Variants in ZAP70 observed in about 807,000 individuals in gnomAD.
The protein encoded by ZAP70 is zeta chain of T cell receptor associated protein kinase 70, also known as tyrosine-protein kinase ZAP-70.
ZAP70 carries 27 observed loss-of-function variants against 65.8 expected under a neutral mutation model. The observed-to-expected ratio is 0.41, with a 90% CI of 0.30 to 0.57. The LOEUF is 0.57. Ranked by LOEUF, ZAP70 falls within the 20% of genes least tolerant of loss-of-function variation. The probability of loss-of-function intolerance (pLI) is 0.28; values close to 1 mark genes in which losing one functional copy is unlikely to be tolerated. For synonymous variants in ZAP70, 363 were observed against 360.8 expected (o/e 1.01, Z -0.07); for missense variants, 696 against 870.5 (o/e 0.80, Z 2.52).
chr2:97,733,682 G>A lies in ZAP70; in HGVS notation c.889+87G>A, dbSNP rs1677717869. ...GTCAGGGCTGTGGGGTTTCACGGGG[G>A]GCGCTGTGGGCCGGGCCAGGCTGTG... On this transcript the variant is annotated intron_variant, in intron 8 of 13. Transcript: ENST00000264972. The A allele has an allele frequency of 1.9e-6, 3 of 1,550,782 alleles. No homozygotes were observed. In the South Asian group the frequency reaches 3.3e-5, roughly 17 times the overall value.
chr2:97,732,816 G>T, intron 4 of ZAP70, 67 bp from the exon 5 acceptor site: 2 of 1,604,504 alleles, frequency 1.2e-6, no homozygotes, highest in South Asian at 1.1e-5. Flanking sequence ...TGTTGCGGGG[G>T]AACCGGGGCA....
At chr2:97,734,783 G>T in intron 9 of ZAP70, 71 bp downstream of exon 9, 1 of 1,584,630 alleles carries the variant, frequency 6.3e-7, no homozygotes, top group South Asian at 1.1e-5. Context: ...CCGGGCTGTG[G>T]GACGGGAGCC....
In ZAP70 at chr2:97,739,856, T is replaced by C; in HGVS notation, c.*358T>C. 3.4e-6 allele frequency: 1 copy of C among 297,566 alleles called. No individual in the cohort carries two copies. Among genetic ancestry groups the C allele is most frequent in the Non-Finnish European group, 6.4e-6 (1 of 155,494 alleles). 18.4% of individuals were successfully genotyped at this position (297,566 alleles called of 1,614,324 possible). A position where few individuals can be genotyped will look rare whatever the true frequency, so the allele number is the denominator to read the frequency against. ...ATCACCAGAATAAACCCAGCTTCCC[T>C]CTTGTCTGAGCGCCCTCATCTTTTC... On this transcript the variant is annotated 3_prime_UTR_variant, in exon 14 of 14. Transcript: ENST00000264972.
chr2:97,745,857 T>C, the ZAP70 span, among the ~76,000 whole-genome samples: 1 of 152,210 alleles, frequency 6.6e-6, no homozygotes, highest in African/African-American at 2.4e-5. Context: ...AGTAAACCAA[T>C]GTTCACTGCA....
rs1483191291 is a variant in ZAP70, at chr2:97,724,388, C to T, written c.352C>T (p.Leu118=). ...LEPQPGVFDC[L]RDAMVRDYVR... ...GCCGCAGCCGGGGGTCTTCGACTGCCTGCGAGACGCCATGGTGCGTGACTA... is the reference window on the plus strand; with the variant it reads ...GCCGCAGCCGGGGGTCTTCGACTGCTTGCGAGACGCCATGGTGCGTGACTA... Residue 118 remains leucine (L), a synonymous_variant, in exon 3 of 14, where the codon CTG becomes TTG. Coordinates refer to ENST00000264972, the MANE Select transcript of ZAP70 (RefSeq NM_001079.4). 1.3e-6 allele frequency: 2 copies of T among 1,538,008 alleles called. No individual in the cohort carries two copies. Among genetic ancestry groups the T allele is most frequent in the Non-Finnish European group, 1.8e-6 (2 of 1,142,242 alleles).
At chr2:97,716,813 C>T (rs1339379989) in intron 2 of ZAP70, among the ~76,000 whole-genome samples, 2 of 152,114 alleles carry the variant, frequency 1.3e-5, no homozygotes, top group East Asian at 1.9e-4. Flanking sequence ...GGGCTTCAAG[C>T]AGAGAAGAGG....
At chr2:97,721,697 G>A (rs1166300082) in intron 2 of ZAP70, among the ~76,000 whole-genome samples, 2 of 148,658 alleles carry the variant, frequency 1.3e-5, no homozygotes, top group African/African-American at 4.9e-5. Context: ...CTCCCATAAT[G>A]CTGGATTAGA....
chr2:97,749,144 A>G, the ZAP70 span, among the ~76,000 whole-genome samples: 1 of 151,226 alleles, frequency 6.6e-6, no homozygotes, highest in East Asian at 2.0e-4. Context: ...CGAGTAGCTG[A>G]GACTACAGGC....
chr2:97,717,540 C>T (rs764878455), intron 2 of ZAP70, among the ~76,000 whole-genome samples: 3 of 151,970 alleles, frequency 2.0e-5, no homozygotes, highest in Admixed American at 6.6e-5. Flanking sequence ...TGCTCCTGCC[C>T]GCTCCCACCA....
chr2:97,716,178 A>T (rs1243214622), intron 2 of ZAP70, among the ~76,000 whole-genome samples: 1 of 152,168 alleles, frequency 6.6e-6, no homozygotes, highest in African/African-American at 2.4e-5. Flanking sequence ...GCCTGTGGCC[A>T]GGATCCTCAG....
chr2:97,724,470 A>G, intron 3 of ZAP70, 32 bp downstream of exon 3: 1 of 1,517,316 alleles, frequency 6.6e-7, no homozygotes, highest in Non-Finnish European at 8.8e-7. Context: ...CGGGGTCTGG[A>G]GGGGCGTGGC....
the ZAP70 span, among the ~76,000 whole-genome samples, chr2:97,745,351 A>G: frequency 6.6e-6 from 1 of 152,234 alleles, no homozygotes; most frequent in Non-Finnish European, 1.5e-5. Context: ...AAAACCTTTT[A>G]ATTTTTAAAT....
At chr2:97,733,055 C>A in intron 5 of ZAP70, 34 bp downstream of exon 5, 4 of 1,614,014 alleles carry the variant, frequency 2.5e-6, no homozygotes, top group Non-Finnish European at 2.5e-6. Context: ...CTGGGAGATG[C>A]CGTGCTCAGA....
rs1676865497 is a variant in ZAP70 at position 97,715,352 on chromosome 2, C to T, written c.-22+1358C>T. Among the ~76,000 whole-genome samples, 1 of 152,184 alleles carries T rather than the reference C, an allele frequency of 6.6e-6. No individual in the cohort carries two copies. Among genetic ancestry groups the T allele is most frequent in the Non-Finnish European group, 1.5e-5 (1 of 68,034 alleles). The stretch of plus-strand genomic sequence containing the variant: ...GGAATCCTGTGAACAGCCTACAAGG[C>T]CCAGGACAGTCCCACCCTGTTCCAT... On this transcript the variant is annotated intron_variant, in intron 2 of 13. Transcript: ENST00000264972. The surrounding 1 kb of genome is among the most constrained non-coding windows in gnomAD (Gnocchi z 4.1).
chr2:97,744,321 T>C (rs1678198390), downstream of ZAP70, among the ~76,000 whole-genome samples: 1 of 152,150 alleles, frequency 6.6e-6, no homozygotes, highest in South Asian at 2.1e-4. Flanking sequence ...AATTTTGTTC[T>C]GGTGGACGAA....
rs1676867368 is a variant in ZAP70 at position 97,715,398 on chromosome 2, C to G, written c.-22+1404C>G. On this transcript the variant is annotated intron_variant, in intron 2 of 13. Transcript: ENST00000264972. This position sits in a 1 kb window ranked among gnomAD's most constrained non-coding sequence, Gnocchi z 4.1. ...TCCATTGTCTCTATCAGCCCCTATCCTCCTGACTCACACCGCCTTTTCCCA... is the reference window on the plus strand; with the variant it reads ...TCCATTGTCTCTATCAGCCCCTATCGTCCTGACTCACACCGCCTTTTCCCA... 1.3e-5 allele frequency among the ~76,000 whole-genome samples: 2 copies of G among 152,186 alleles called. No homozygotes were observed. The highest frequency in any genetic ancestry group is 2.9e-5 in the Non-Finnish European group (2 of 68,024).
At position 97,731,952 on chromosome 2, in the gene ZAP70, G is replaced by A. The variant is rs1677627573; in HGVS notation, c.564-931G>A. Among the ~76,000 whole-genome samples, 1 of 152,196 alleles carries A rather than the reference G, an allele frequency of 6.6e-6. No individual in the cohort carries two copies. Among genetic ancestry groups the A allele is most frequent in the African/African-American group, 2.4e-5 (1 of 41,452 alleles). On this transcript the variant is annotated intron_variant, in intron 4 of 13. Transcript: ENST00000264972. This position sits in a 1 kb window ranked among gnomAD's most constrained non-coding sequence, Gnocchi z 4.0. ...TAAAGCTACACTTGACCCTGCAATA[G>A]AGGCTTGTGCCAGTGACCCCAGACA... is the stretch of plus-strand genomic sequence containing the variant.
chr2:97,726,714 A>T lies in ZAP70; in HGVS notation c.563+1462A>T, dbSNP rs374288896. On this transcript the variant is annotated intron_variant, in intron 4 of 13. Transcript: ENST00000264972. ...CACCCTACCATACAGATTCAGATTT[A>T]GGCTGTAAATTGGAGTGGAGTTTCC... Among the ~76,000 whole-genome samples the T allele has an allele frequency of 9.8e-5, 15 of 152,362 alleles. 1 individual carries two copies. Among genetic ancestry groups the T allele is most frequent in the African/African-American group, 3.6e-4 (15 of 41,594 alleles).
chr2:97,733,343 T>A lies in ZAP70; in HGVS notation c.837T>A (p.His279Gln), dbSNP rs759650270. Residue 279 changes from histidine (H) to glutamine (Q), a missense_variant and splice_region_variant, in exon 7 of 14, where the codon CAT (histidine) becomes CAA (glutamine). Physicochemically the swap from His to Gln is conservative, Grantham distance 24 (BLOSUM62 0). Around this residue, in one of 3 missense-constraint regions of ZAP70, gnomAD observed 551 missense variants for 630.0 expected, o/e 0.87. Transcript: ENST00000264972. ...TLPAHPSTLT[H>Q]PQRRIDTLNS... ...CAGCCCACCCATCCACGTTGACTCATGTGAGTTGGGGGCACCTGGAGTGTG... is the reference window on the plus strand; with the variant it reads ...CAGCCCACCCATCCACGTTGACTCAAGTGAGTTGGGGGCACCTGGAGTGTG... 6.3e-7 allele frequency: 1 copy of A among 1,594,246 alleles called. No homozygotes were observed. The highest frequency in any genetic ancestry group is 8.6e-7 in the Non-Finnish European group (1 of 1,168,846).
Sources: gnomAD v4.1 joint callset for allele counts (sites outside exome capture counted in the v4.1 genomes callset) on GRCh38, gnomAD v4.1.1 for gene constraint, gnomAD v4.1.1 regional missense constraint, Gnocchi (gnomAD v3.1) non-coding constraint, MANE v1.5 for transcripts, NCBI Gene and HGNC (gene_info 2026-07-23, HGNC 2026-07-21) for gene names.